Variants in MACF1 observed in about 807,000 individuals in gnomAD.
MACF1 encodes microtubule actin crosslinking factor 1, also known as microtubule-actin cross-linking factor 1.
A neutral mutation model predicts 854.8 loss-of-function variants in MACF1; 193 were observed. The observed-to-expected ratio is 0.23, with a 90% CI of 0.20 to 0.25. The LOEUF is 0.25. MACF1 is among the 10% of genes least tolerant of loss of function. The pLI, the probability that MACF1 is intolerant of heterozygous loss-of-function variation, is 1.00. For missense variants in MACF1, 7,722 were observed against 8,929.1 expected (o/e 0.86, Z 5.45); for synonymous variants, 3,185 against 3,226.7 (o/e 0.99, Z 0.44).
chr1:39,101,356 C>CAA lies in MACF1; in HGVS notation c.220+16931_220+16932dup, dbSNP rs35075474. ...TGGGTGACAGAGCCAGACTCTGTCT[C>CAA]AAAAAAAAAAAAAATATGTATATAT... On this transcript the variant is annotated intron_variant, in intron 2 of 93. Coordinates refer to the MACF1 transcript ENST00000361689. 7.7e-3 allele frequency among the ~76,000 whole-genome samples: 991 copies of CAA among 128,760 alleles called. 4 individuals carry two copies. The highest frequency in any genetic ancestry group is 0.019 in the Admixed American group (248 of 13,170). 84.5% of individuals were successfully genotyped at this position (128,760 alleles called of 152,430 possible). A position where few individuals can be genotyped will look rare whatever the true frequency, so the allele number is the denominator to read the frequency against.
intron 98 of MACF1, 60 bp from the exon 99 acceptor site, chr1:39,480,860 C>T: frequency 3.5e-6 from 3 of 848,474 alleles, no homozygotes; most frequent in Non-Finnish European, 3.9e-6. Context: ...TCCCAATGTG[C>T]ACCCTTTTTG....
At chr1:39,469,512 T>C (rs999281486) in intron 96 of MACF1, 35 bp from the exon 97 acceptor site, 1 of 1,488,110 alleles carries the variant, frequency 6.7e-7, no homozygotes, top group African/African-American at 1.4e-5. Flanking sequence ...TCCTGCCCTG[T>C]CTGTTTCTTT....
intron 52 of MACF1, among the ~76,000 whole-genome samples, chr1:39,377,630 A>AG (rs1483183017): frequency 6.6e-6 from 1 of 152,218 alleles, no homozygotes; most frequent in African/African-American, 2.4e-5. Flanking sequence ...GAGCAAGAAG[A>AG]GGTTATGAAA....
chr1:39,473,865 G>A (rs1356050799), intron 97 of MACF1, among the ~76,000 whole-genome samples: 1 of 152,190 alleles, frequency 6.6e-6, no homozygotes, highest in Non-Finnish European at 1.5e-5. Context: ...ACAAACATGT[G>A]AATACATGCC....
intron 60 of MACF1, 104 bp downstream of exon 60, chr1:39,423,004 C>T (rs1042920230): frequency 1.0e-6 from 1 of 983,912 alleles, no homozygotes; most frequent in South Asian, 1.7e-5. Flanking sequence ...TAGTAGAATC[C>T]TAAACTACTT....
intron 2 of MACF1, among the ~76,000 whole-genome samples, chr1:39,147,039 C>A (rs1264549753): frequency 2.7e-5 from 4 of 149,956 alleles, no homozygotes; most frequent in Non-Finnish European, 5.9e-5. Flanking sequence ...CTTCCTTCTT[C>A]TTCTCCTCCT....
chr1:39,112,292 G>T lies in MACF1; in HGVS notation c.220+27854G>T, dbSNP rs146486006. Among the ~76,000 whole-genome samples the T allele has an allele frequency of 2.7e-3, 416 of 151,952 alleles. 4 individuals are homozygous for T. Among genetic ancestry groups the T allele is most frequent in the Admixed American group, 0.018 (280 of 15,254 alleles). On this transcript the variant is annotated intron_variant, in intron 2 of 93. Transcript: ENST00000361689. ...TAATAGAGACGGTTTCACCATATTG[G>T]CCAGGCTGGTCTCAAACTCCTGACT...
chr1:39,387,264 T>C lies in MACF1; in HGVS notation c.14422T>C (p.Trp4808Arg), dbSNP rs777831885. 6.2e-7 allele frequency: 1 copy of C among 1,614,216 alleles called. No homozygotes were observed. Among genetic ancestry groups the C allele is most frequent in the African/African-American group, 1.3e-5 (1 of 75,054 alleles). The change falls in exon 58 of 101, where the codon TGG (tryptophan) becomes CGG (arginine). Residue 4808 changes from tryptophan (W) to arginine (R), a missense_variant. Transcript: ENST00000564288. ...GCAAATGTTTGATGAGTTGAGGACC[T>C]GGTTGGATGATAAACAAAGCCAGCA... Reference protein sequence around the residue: ...FQQMFDELRTWLDDKQSQQAK... With the variant: ...FQQMFDELRTRLDDKQSQQAK...
At chr1:39,268,362 ACT>A (rs1645261075) in intron 6 of MACF1, 1 of 751,300 alleles carries the variant, frequency 1.3e-6, no homozygotes, top group Non-Finnish European at 1.6e-6. Context: ...TGTTTGTGTT[ACT>A]GAGGGCAGTG....
chr1:39,375,815 T>C (rs886483134), intron 52 of MACF1, among the ~76,000 whole-genome samples: 8 of 152,208 alleles, frequency 5.3e-5, no homozygotes, highest in African/African-American at 1.9e-4. Context: ...AATGAGGGCT[T>C]TTACACATAG....
chr1:39,343,728 G>A lies in MACF1; in HGVS notation c.10581+2775G>A, dbSNP rs74315680. On this transcript the variant is annotated intron_variant, in intron 40 of 100. Transcript: ENST00000564288. ...AATCCATGTGAGTCTGCAGCAGCTC[G>A]GTTCTTGCCTCCTCAGGCGAAAGAA... 7.6e-3 allele frequency among the ~76,000 whole-genome samples: 1,154 copies of A among 152,322 alleles called. 10 individuals carry two copies. Among genetic ancestry groups the A allele is most frequent in the Middle Eastern group, 0.017 (5 of 294 alleles).
intron 2 of MACF1, among the ~76,000 whole-genome samples, chr1:39,086,827 T>C (rs1302105565): frequency 1.3e-5 from 2 of 152,212 alleles, no homozygotes; most frequent in East Asian, 1.9e-4. Flanking sequence ...GTGCTGTGTT[T>C]CTGGCATAGA....
At chr1:39,452,588 G>A in intron 86 of MACF1, 96 bp from the exon 87 acceptor site, 3 of 1,510,180 alleles carry the variant, frequency 2.0e-6, no homozygotes, top group South Asian at 2.4e-5. Context: ...GCCATGAAAT[G>A]TCTGAATGAA....
chr1:39,414,837 T>C (rs1344258443), intron 58 of MACF1, among the ~76,000 whole-genome samples: 1 of 152,200 alleles, frequency 6.6e-6, no homozygotes, highest in Non-Finnish European at 1.5e-5. Flanking sequence ...AGTTTATTCA[T>C]TGGTGGTGTC....
At chr1:39,292,868 A>T (rs1323973745) in intron 17 of MACF1, 25 bp downstream of exon 17, 1 of 1,582,114 alleles carries the variant, frequency 6.3e-7, no homozygotes, top group East Asian at 2.2e-5. Flanking sequence ...ATTCTCTTAC[A>T]TTCTGCTCAT....
At chr1:39,485,451 A>C (rs940379476) in intron 100 of MACF1, 87 bp from the exon 101 acceptor site, 4 of 1,406,642 alleles carry the variant, frequency 2.8e-6, no homozygotes, top group Non-Finnish European at 1.9e-6. Context: ...TTAAGATCAC[A>C]CAGGATCAGA....
At chr1:39,427,432 G>A (rs1381201933) in intron 61 of MACF1, 23 bp from the exon 62 acceptor site, 1 of 1,608,376 alleles carries the variant, frequency 6.2e-7, no homozygotes, top group Non-Finnish European at 8.5e-7. Flanking sequence ...TTCCTGAGCA[G>A]CTTGTTCTAT....
chr1:39,418,628 TCAGG>T (rs745420104), intron 58 of MACF1, among the ~76,000 whole-genome samples: 26 of 152,198 alleles, frequency 1.7e-4, no homozygotes, highest in Admixed American at 6.5e-5. Flanking sequence ...TTTGGAAGGC[TCAGG>T]CAGGCAGATC....
chr1:39,234,932 A>T (rs1334289839), intron 2 of MACF1, among the ~76,000 whole-genome samples: 2 of 150,198 alleles, frequency 1.3e-5, no homozygotes, highest in African/African-American at 4.9e-5. Context: ...GACGCTCCTC[A>T]CTTCCTAGAT....
Sources: allele counts gnomAD v4.1 joint callset (sites outside exome capture counted in the v4.1 genomes callset), GRCh38; gene constraint gnomAD v4.1.1; transcripts MANE v1.5; gene names NCBI Gene and HGNC (gene_info 2026-07-23, HGNC 2026-07-21).